Variants in CA10 observed in about 807,000 individuals in gnomAD.
CA10 encodes the protein carbonic anhydrase 10 (inactive).
In CA10, 14 loss-of-function variants were observed where a neutral mutation model predicts 44.2. That is an observed-to-expected ratio of 0.32 (90% CI 0.21 to 0.50). CA10 has a LOEUF of 0.50. Ranked by LOEUF, CA10 falls within the 20% of genes least tolerant of loss-of-function variation. The probability of loss-of-function intolerance (pLI) is 0.99; values close to 1 mark genes in which losing one functional copy is unlikely to be tolerated. For synonymous variants in CA10, 159 were observed against 141.6 expected (o/e 1.12, Z -0.87); for missense variants, 350 against 409.7 (o/e 0.85, Z 1.26).
chr17:51,882,814 C>G (rs1231247327), intron 3 of CA10, among the ~76,000 whole-genome samples: 1 of 152,158 alleles, frequency 6.6e-6, no homozygotes, highest in Non-Finnish European at 1.5e-5. Context: ...CTCTAGGGAG[C>G]CTACAAAGAG....
At chr17:51,692,312 C>T (rs1915225899) in intron 4 of CA10, among the ~76,000 whole-genome samples, 1 of 144,928 alleles carries the variant, frequency 6.9e-6, no homozygotes, top group African/African-American at 2.6e-5. Context: ...TCACTGTTAA[C>T]ATATAGTAAT....
chr17:51,646,900 C>T (rs1913362409), intron 6 of CA10, among the ~76,000 whole-genome samples: 1 of 152,206 alleles, frequency 6.6e-6, no homozygotes, highest in Admixed American at 6.5e-5. Flanking sequence ...CTACAGAGGA[C>T]ACCTCAATTA....
chr17:52,038,188 T>C (rs1437084953), intron 2 of CA10, among the ~76,000 whole-genome samples: 1 of 152,148 alleles, frequency 6.6e-6, no homozygotes, highest in Non-Finnish European at 1.5e-5. Flanking sequence ...GCACATAAAC[T>C]GAACAACTGA....
intron 6 of CA10, among the ~76,000 whole-genome samples, chr17:51,640,583 G>T (rs1913040579): frequency 6.6e-6 from 1 of 152,148 alleles, no homozygotes; most frequent in South Asian, 2.1e-4. Context: ...TTTAGGTATT[G>T]GGATTTGAAA....
chr17:51,636,776 TG>T (rs1179297699), intron 6 of CA10, among the ~76,000 whole-genome samples: 2 of 13,722 alleles, frequency 1.5e-4, no homozygotes, highest in Non-Finnish European at 3.3e-4. Context: ...CTGATTATTT[TG>T]TGTGTGTGTG....
chr17:51,853,419 A>C (rs1978890150), intron 3 of CA10, among the ~76,000 whole-genome samples: 1 of 152,124 alleles, frequency 6.6e-6, no homozygotes, highest in Non-Finnish European at 1.5e-5. Flanking sequence ...ATGTGCAGGG[A>C]GTTCTGGGTA....
chr17:52,039,794 G>A (rs2144189018), intron 2 of CA10, among the ~76,000 whole-genome samples: 1 of 152,242 alleles, frequency 6.6e-6, no homozygotes, highest in African/African-American at 2.4e-5. Flanking sequence ...AAGAGGGTCT[G>A]AAAGTCATGT....
chr17:51,722,795 ATCCC>A (rs1420269364), intron 4 of CA10, among the ~76,000 whole-genome samples: 7 of 152,180 alleles, frequency 4.6e-5, no homozygotes, highest in Admixed American at 2.6e-4. Flanking sequence ...ATGTGGCAAA[ATCCC>A]TCCATTTTAT....
intron 2 of CA10, among the ~76,000 whole-genome samples, chr17:52,065,129 G>T (rs1230534588): frequency 6.6e-6 from 1 of 152,186 alleles, no homozygotes; most frequent in African/African-American, 2.4e-5. Context: ...GCCCACGCTT[G>T]AGGCTCATGC....
chr17:51,747,900 A>G (rs1904759962), intron 3 of CA10, 82 bp from the exon 4 acceptor site: 2 of 1,066,294 alleles, frequency 1.9e-6, no homozygotes, highest in Admixed American at 4.7e-5. Context: ...TTGGATCAAC[A>G]CCTTTTGCTT....
At chr17:51,974,383 AT>A (rs201396866) in intron 2 of CA10, among the ~76,000 whole-genome samples, 14,736 of 71,254 alleles carry the variant, frequency 0.21, 1,221 homozygotes, top group East Asian at 0.56. Flanking sequence ...ACTCCATCTC[AT>A]TTAAAAAAAA....
At chr17:51,975,934 A>C (rs538002672) in intron 2 of CA10, among the ~76,000 whole-genome samples, 214 of 152,200 alleles carry the variant, frequency 1.4e-3, no homozygotes, top group Non-Finnish European at 2.5e-3. Context: ...AATATTCTTT[A>C]AACACAAAGA....
At chr17:52,117,314 C>T (rs919294537) in intron 1 of CA10, among the ~76,000 whole-genome samples, 2 of 152,054 alleles carry the variant, frequency 1.3e-5, no homozygotes, top group Admixed American at 6.6e-5. Flanking sequence ...TCATGGAAGC[C>T]CAGGAATTAG....
chr17:51,889,995 C>T (rs768537617), intron 3 of CA10, among the ~76,000 whole-genome samples: 1 of 152,172 alleles, frequency 6.6e-6, no homozygotes, highest in Non-Finnish European at 1.5e-5. Context: ...ACCGATGAAC[C>T]CTTTACATTG....
At chr17:51,925,477 CCTTGTGTGTTG>C (rs1443013905) in intron 3 of CA10, among the ~76,000 whole-genome samples, 2 of 150,710 alleles carry the variant, frequency 1.3e-5, no homozygotes, top group Non-Finnish European at 2.9e-5. Flanking sequence ...AGATTGGAAT[CCTTGTGTGTTG>C]CTGATGAGAA....
At chr17:51,684,826 T>C (rs1176121967) in intron 4 of CA10, among the ~76,000 whole-genome samples, 5 of 152,220 alleles carry the variant, frequency 3.3e-5, no homozygotes, top group African/African-American at 9.6e-5. Context: ...AGAGAATTTA[T>C]AATGCCTTAA....
chr17:51,966,071 T>C (rs1171676616), intron 2 of CA10, among the ~76,000 whole-genome samples: 3 of 151,836 alleles, frequency 2.0e-5, no homozygotes, highest in African/African-American at 7.2e-5. Context: ...TATAGACCAG[T>C]AACATTCAAG....
chr17:51,837,743 G>A (rs965915213), intron 3 of CA10, among the ~76,000 whole-genome samples: 2 of 152,124 alleles, frequency 1.3e-5, no homozygotes, highest in African/African-American at 4.8e-5. Context: ...ATAGTTATTT[G>A]TCATTATTTC....
intron 3 of CA10, among the ~76,000 whole-genome samples, chr17:51,757,630 T>C (rs573862250): frequency 1.3e-5 from 2 of 152,304 alleles, no homozygotes; most frequent in South Asian, 4.1e-4. Context: ...TAGAGTACTA[T>C]AATAAGTGTG....
Sources: gnomAD v4.1 joint callset for allele counts (sites outside exome capture counted in the v4.1 genomes callset) on GRCh38, gnomAD v4.1.1 for gene constraint, MANE v1.5 for transcripts, NCBI Gene and HGNC (gene_info 2026-07-23, HGNC 2026-07-21) for gene names.